RAPGEF4: variants seen among roughly 807,000 people sequenced by gnomAD.
The protein encoded by RAPGEF4 is Rap guanine nucleotide exchange factor 4, also known as RAP guanine-nucleotide-exchange factor (GEF) 4.
Under a neutral mutation model 147.9 loss-of-function variants are expected in RAPGEF4, and 66 were observed. That is an observed-to-expected ratio of 0.45 (90% CI 0.37 to 0.55). RAPGEF4 has a LOEUF of 0.55. RAPGEF4 is among the 20% of genes least tolerant of loss of function. The pLI is 0.00. For synonymous variants in RAPGEF4, 419 were observed against 442.7 expected, an observed-to-expected ratio of 0.95 and a Z score of 0.67; for missense variants, 1,071 against 1,257.3, an observed-to-expected ratio of 0.85 and a Z score of 2.24.
intron 4 of RAPGEF4, among the ~76,000 whole-genome samples, chr2:172,908,164 C>G (rs550570627): frequency 6.6e-6 from 1 of 152,316 alleles, no homozygotes; most frequent in South Asian, 2.1e-4. Context: ...TAGCCAGCAG[C>G]CAGATCAGAA....
chr2:173,009,870 G>A (rs1204941759), intron 17 of RAPGEF4, among the ~76,000 whole-genome samples: 1 of 152,132 alleles, frequency 6.6e-6, no homozygotes, highest in Non-Finnish European at 1.5e-5. Context: ...CAGGATTTGG[G>A]GGATCAATTT....
chr2:172,773,176 A>G (rs775347889), intron 1 of RAPGEF4, among the ~76,000 whole-genome samples: 30 of 152,238 alleles, frequency 2.0e-4, no homozygotes, highest in Non-Finnish European at 3.7e-4. Context: ...TTTACTGGAT[A>G]ATATGATTTA....
rs1291328925 is a variant in RAPGEF4 at position 172,735,864 on chromosome 2, T to C, written c.-120T>C. 2.6e-5 allele frequency: 22 copies of C among 847,730 alleles called. No individual in the cohort carries two copies. Among genetic ancestry groups the C allele is most frequent in the Non-Finnish European group, 3.4e-5 (22 of 649,192 alleles). The allele number at this position is 847,730 out of a possible 1,614,324, so 52.5% of individuals were successfully genotyped here. On this transcript the variant is annotated 5_prime_UTR_variant, in exon 1 of 31. Coordinates refer to ENST00000397081, the MANE Select transcript of RAPGEF4 (RefSeq NM_007023.4). ...GAGGGCGGGCCTGTCGCAGCCGCGCTGGTCGCCAGGCGTCCGGGAGGAGCG... is the reference window on the plus strand; with the variant it reads ...GAGGGCGGGCCTGTCGCAGCCGCGCCGGTCGCCAGGCGTCCGGGAGGAGCG...
intron 3 of RAPGEF4, among the ~76,000 whole-genome samples, chr2:172,798,078 G>A (rs1273523624): frequency 6.6e-6 from 1 of 152,104 alleles, no homozygotes; most frequent in Non-Finnish European, 1.5e-5. Context: ...GGCTGTTGCA[G>A]TCCCCCTGAA....
At chr2:172,848,683 C>T (rs1187448364) in intron 4 of RAPGEF4, among the ~76,000 whole-genome samples, 1 of 152,058 alleles carries the variant, frequency 6.6e-6, no homozygotes, top group Non-Finnish European at 1.5e-5. Context: ...TTTTACAAAG[C>T]TTCAGTGTTA....
chr2:172,866,463 C>G (rs1325033383), intron 4 of RAPGEF4, among the ~76,000 whole-genome samples: 1 of 152,146 alleles, frequency 6.6e-6, no homozygotes, highest in African/African-American at 2.4e-5. Context: ...GTAGGCTTAT[C>G]TTTCTTTATA....
chr2:172,921,245 C>T lies in RAPGEF4; in HGVS notation c.518-1036C>T, dbSNP rs1302233400. Among the ~76,000 whole-genome samples, 3 of 152,012 alleles carry T rather than the reference C, an allele frequency of 2.0e-5. No individual in the cohort carries two copies. In the East Asian group the frequency reaches 5.8e-4, roughly 29 times the overall value. ...GTCCTCCCAAGTAGCTACAGGCATG[C>T]ACCACCATGCCCAGCTAGTTTTTTG... is the stretch of plus-strand genomic sequence containing the variant. On this transcript the variant is annotated intron_variant, in intron 5 of 30. Coordinates refer to ENST00000397081, the MANE Select transcript of RAPGEF4 (RefSeq NM_007023.4).
At chr2:172,877,504 A>T (rs1696102259) in intron 4 of RAPGEF4, among the ~76,000 whole-genome samples, 1 of 151,760 alleles carries the variant, frequency 6.6e-6, no homozygotes, top group Non-Finnish European at 1.5e-5. Flanking sequence ...TAAATTTTGC[A>T]CATGTATCTC....
intron 4 of RAPGEF4, among the ~76,000 whole-genome samples, chr2:172,861,417 G>A (rs1457095473): frequency 6.6e-6 from 1 of 152,188 alleles, no homozygotes; most frequent in African/African-American, 2.4e-5. Context: ...GTGGTTAGAG[G>A]GAGGGAAAAG....
chr2:172,950,374 T>C (rs1474123719), intron 6 of RAPGEF4, among the ~76,000 whole-genome samples: 1 of 152,124 alleles, frequency 6.6e-6, no homozygotes, highest in Non-Finnish European at 1.5e-5. Flanking sequence ...AGGATAAGGA[T>C]TGATCCATTC....
intron 17 of RAPGEF4, among the ~76,000 whole-genome samples, chr2:173,013,292 G>C (rs1331427631): frequency 6.6e-6 from 1 of 152,202 alleles, no homozygotes; most frequent in Non-Finnish European, 1.5e-5. Context: ...AGGAATGGGG[G>C]CTTTGGGTAA....
Position 173,030,160 on chromosome 2 carries a change from T to C in RAPGEF4, c.2559-4T>C. On this transcript the variant is annotated splice_region_variant and splice_polypyrimidine_tract_variant and intron_variant, in intron 25 of 30. Transcript: ENST00000397081. ...TACTCAAACACGCATCTCCTGTGTT[T>C]CAGCTGTAAGGAGTATAAAAATCTG... 1 of 1,602,318 alleles carries C rather than the reference T, an allele frequency of 6.2e-7. No homozygotes were observed. Among genetic ancestry groups the C allele is most frequent in the East Asian group, 2.2e-5 (1 of 44,836 alleles).
chr2:172,867,081 T>A (rs927235492), intron 4 of RAPGEF4, among the ~76,000 whole-genome samples: 2 of 151,882 alleles, frequency 1.3e-5, no homozygotes, highest in Non-Finnish European at 2.9e-5. Flanking sequence ...AAGCGATTCT[T>A]GTGTCTCAGT....
At chr2:173,033,272 T>C (rs764201876) in intron 26 of RAPGEF4, among the ~76,000 whole-genome samples, 3 of 152,164 alleles carry the variant, frequency 2.0e-5, no homozygotes, top group African/African-American at 4.8e-5. Context: ...GCAGGGGATG[T>C]GAATTACAGG....
At chr2:173,024,702 A>AAGTCTACAC (rs1030205935) in intron 23 of RAPGEF4, among the ~76,000 whole-genome samples, 5 of 152,342 alleles carry the variant, frequency 3.3e-5, no homozygotes, top group African/African-American at 1.2e-4. Flanking sequence ...GAATCAATCC[A>AAGTCTACAC]AGTCTACACA....
chr2:172,974,341 A>G (rs1370523408), intron 10 of RAPGEF4, among the ~76,000 whole-genome samples: 1 of 152,184 alleles, frequency 6.6e-6, no homozygotes, highest in Non-Finnish European at 1.5e-5. Context: ...TCATGGGTTT[A>G]TGCTTTGAGC....
intron 4 of RAPGEF4, among the ~76,000 whole-genome samples, chr2:172,852,169 T>C (rs1692918260): frequency 6.6e-6 from 1 of 152,194 alleles, no homozygotes; most frequent in Admixed American, 6.5e-5. Flanking sequence ...GTCACCACAT[T>C]GTAGCACATT....
intron 17 of RAPGEF4, among the ~76,000 whole-genome samples, chr2:173,005,671 C>T (rs1391629422): frequency 6.6e-6 from 1 of 151,764 alleles, no homozygotes; most frequent in Non-Finnish European, 1.5e-5. Flanking sequence ...TACAGGCACG[C>T]ACCACCACAC....
intron 1 of RAPGEF4, among the ~76,000 whole-genome samples, chr2:172,770,979 A>G (rs1052695035): frequency 6.6e-6 from 1 of 152,144 alleles, no homozygotes; most frequent in Admixed American, 6.5e-5. Context: ...CTGTAATGTA[A>G]TACTTTCAGT....
Sources: allele counts gnomAD v4.1 joint callset (sites outside exome capture counted in the v4.1 genomes callset), GRCh38; gene constraint gnomAD v4.1.1; transcripts MANE v1.5; gene names NCBI Gene and HGNC (gene_info 2026-07-23, HGNC 2026-07-21).